PDE3A: variants seen among roughly 807,000 people sequenced by gnomAD.
The protein encoded by PDE3A is cGMP-inhibited 3',5'-cyclic phosphodiesterase 3A.
PDE3A carries 43 observed loss-of-function variants against 98.3 expected under a neutral mutation model. The observed-to-expected ratio is 0.44, with a 90% CI of 0.34 to 0.56. The LOEUF (loss-of-function observed/expected upper bound fraction) is 0.56. Among genes scored for constraint, PDE3A ranks in the 20% least tolerant of loss-of-function variants. The probability of loss-of-function intolerance (pLI) is 0.01; values close to 1 mark genes in which losing one functional copy is unlikely to be tolerated. For synonymous variants in PDE3A, 663 were observed against 567.9 expected (o/e 1.17, Z -2.38); for missense variants, 1,427 against 1,440.7 (o/e 0.99, Z 0.15).
chr12:20,583,038 G>A (rs1335502870), intron 2 of PDE3A, among the ~76,000 whole-genome samples: 1 of 151,990 alleles, frequency 6.6e-6, no homozygotes, highest in Non-Finnish European at 1.5e-5. Flanking sequence ...ATTGTCTGAT[G>A]TCTGGCTTTC....
At chr12:20,544,293 T>A (rs1452808761) in intron 1 of PDE3A, among the ~76,000 whole-genome samples, 1 of 151,516 alleles carries the variant, frequency 6.6e-6, no homozygotes, top group Non-Finnish European at 1.5e-5. Flanking sequence ...TGTATTGAGA[T>A]GTGCTAATAG....
chr12:20,541,243 G>A (rs867829266), intron 1 of PDE3A, among the ~76,000 whole-genome samples: 3 of 151,286 alleles, frequency 2.0e-5, no homozygotes, highest in Non-Finnish European at 3.0e-5. Context: ...ACTACCAGGT[G>A]CACAACACCA....
At chr12:20,655,832 C>T (rs773706402) in intron 15 of PDE3A, among the ~76,000 whole-genome samples, 34 of 152,052 alleles carry the variant, frequency 2.2e-4, no homozygotes, top group Non-Finnish European at 2.9e-4. Flanking sequence ...AGACATAGGG[C>T]GGTCAGTTAG....
intron 1 of PDE3A, among the ~76,000 whole-genome samples, chr12:20,416,066 T>A (rs1209639197): frequency 6.6e-6 from 1 of 152,220 alleles, no homozygotes; most frequent in Non-Finnish European, 1.5e-5. Context: ...ATCACTGTTT[T>A]ATTTAGAAAT....
At chr12:20,370,748 A>C (rs1943458233) in intron 1 of PDE3A, among the ~76,000 whole-genome samples, 1 of 152,218 alleles carries the variant, frequency 6.6e-6, no homozygotes, top group Non-Finnish European at 1.5e-5. Context: ...TTCTAGAGCA[A>C]AGCAAGCTGT....
At chr12:20,589,178 C>A (rs1943263350) in intron 2 of PDE3A, among the ~76,000 whole-genome samples, 1 of 152,088 alleles carries the variant, frequency 6.6e-6, no homozygotes, top group African/African-American at 2.4e-5. Context: ...CCTGCCTCGG[C>A]CTCCCAAAGT....
rs569251009 is a variant in PDE3A, at chr12:20,421,615, A to C, written c.960+51371A>C. 1.9e-4 allele frequency among the ~76,000 whole-genome samples: 29 copies of C among 150,724 alleles called. No individual in the cohort carries two copies. In the South Asian group the frequency reaches 4.2e-3, roughly 22 times the overall value. On this transcript the variant is annotated intron_variant, in intron 1 of 15. Coordinates refer to ENST00000359062, the MANE Select transcript of PDE3A (RefSeq NM_000921.5). ...ATTGGTAATAAAAAAAAAAAAAAAA[A>C]CCACCCATGCTCACTTTTGTGCTTG... is the stretch of plus-strand genomic sequence containing the variant.
At position 20,646,591 on chromosome 12, in the gene PDE3A, A is replaced by G. The variant is rs1225300970; in HGVS notation, c.2353A>G (p.Thr785Ala). ...AACTGTGATTAATGATCATGGTTCA[A>G]CCAGTGATTCAGGTATGTACGAAGT... ...LSTVINDHGSTSDSDSDSGFT... is the reference protein window; with the variant it reads ...LSTVINDHGSASDSDSDSGFT... The change falls in exon 11 of 16, where the codon ACC (threonine) becomes GCC (alanine). Residue 785 changes from threonine (T) to alanine (A), a missense_variant. By Grantham distance (58) the Thr-to-Ala change is moderately conservative. Around this residue, in one of 3 missense-constraint regions of PDE3A, gnomAD observed 273 missense variants for 420.3 expected, o/e 0.65. Coordinates refer to ENST00000359062, the MANE Select transcript of PDE3A (RefSeq NM_000921.5). 1.3e-6 allele frequency: 2 copies of G among 1,583,172 alleles called. No individual in the cohort carries two copies. Among genetic ancestry groups the G allele is most frequent in the East Asian group, 2.2e-5 (1 of 44,698 alleles).
At chr12:20,468,211 C>T (rs1945377475) in intron 1 of PDE3A, among the ~76,000 whole-genome samples, 1 of 151,884 alleles carries the variant, frequency 6.6e-6, no homozygotes, top group South Asian at 2.1e-4. Flanking sequence ...CCTTTCATAC[C>T]CTGAGCTGTC....
At chr12:20,418,928 T>A (rs753168484) in intron 1 of PDE3A, among the ~76,000 whole-genome samples, 1 of 152,176 alleles carries the variant, frequency 6.6e-6, no homozygotes, top group Non-Finnish European at 1.5e-5. Flanking sequence ...TGTGTCATAT[T>A]TTATGTAAGT....
At chr12:20,518,721 T>A (rs1946366770) in intron 1 of PDE3A, among the ~76,000 whole-genome samples, 1 of 152,156 alleles carries the variant, frequency 6.6e-6, no homozygotes, top group African/African-American at 2.4e-5. Context: ...GGTAAAAGAG[T>A]TAATAAATCA....
At chr12:20,576,091 T>C (rs565930337) in intron 2 of PDE3A, among the ~76,000 whole-genome samples, 1 of 152,152 alleles carries the variant, frequency 6.6e-6, no homozygotes, top group South Asian at 2.1e-4. Context: ...AACAGGCACA[T>C]TATGGAAAAT....
rs752085196 is a variant in PDE3A, at chr12:20,369,496, C to T, written c.212C>T (p.Ser71Phe). The change falls in exon 1 of 16, where the codon TCC becomes TTC. Residue 71 changes from serine to phenylalanine, a missense_variant. Ser to Phe is a radical substitution (Grantham distance 155). This residue lies in a region of PDE3A where 1,012 missense variants were observed against 886.5 expected (regional missense o/e 1.14). Transcript: ENST00000359062. Reference sequence around the variant, plus strand: ...TCCGCGCTGTGCGCGGGCTCCCTGTCCTTTCTGCTGGCGCTGCTGGTGAGG... The same window carrying T: ...TCCGCGCTGTGCGCGGGCTCCCTGTTCTTTCTGCTGGCGCTGCTGGTGAGG... ...LSSALCAGSLSFLLALLVRLV... is the reference protein window; with the variant it reads ...LSSALCAGSLFFLLALLVRLV... 2 of 1,559,046 alleles carry T rather than the reference C, an allele frequency of 1.3e-6. No individual in the cohort carries two copies. Among genetic ancestry groups the T allele is most frequent in the Non-Finnish European group, 1.7e-6 (2 of 1,151,670 alleles).
chr12:20,624,092 G>T (rs999248326), intron 5 of PDE3A, among the ~76,000 whole-genome samples: 20 of 152,040 alleles, frequency 1.3e-4, no homozygotes, highest in African/African-American at 4.8e-4. Flanking sequence ...AGGAAACTGA[G>T]GGAAAAGAAG....
At chr12:20,477,059 A>C (rs1171015352) in intron 1 of PDE3A, among the ~76,000 whole-genome samples, 1 of 152,180 alleles carries the variant, frequency 6.6e-6, no homozygotes, top group Non-Finnish European at 1.5e-5. Flanking sequence ...GTTAATCCTC[A>C]TTCTATCTAC....
At chr12:20,507,535 A>G (rs1565571602) in intron 1 of PDE3A, among the ~76,000 whole-genome samples, 1 of 152,020 alleles carries the variant, frequency 6.6e-6, no homozygotes, top group Non-Finnish European at 1.5e-5. Context: ...TTCCACACTC[A>G]TATATCCAAT....
chr12:20,667,688 A>G (rs967162345), intron 15 of PDE3A, among the ~76,000 whole-genome samples: 8 of 152,156 alleles, frequency 5.3e-5, no homozygotes, highest in Non-Finnish European at 1.0e-4. Flanking sequence ...GCATATTTTG[A>G]AGTCAGGTAG....
intron 1 of PDE3A, among the ~76,000 whole-genome samples, chr12:20,476,230 A>T (rs1474674174): frequency 1.3e-5 from 2 of 152,218 alleles, no homozygotes; most frequent in Non-Finnish European, 2.9e-5. Flanking sequence ...ACAAAATACT[A>T]ATGTTACGAA....
intron 1 of PDE3A, among the ~76,000 whole-genome samples, chr12:20,425,270 C>T (rs1268591735): frequency 6.6e-6 from 1 of 151,876 alleles, no homozygotes; most frequent in African/African-American, 2.4e-5. Flanking sequence ...TTTTTTTCCA[C>T]CGGCAGATGG....
Sources: gnomAD v4.1 joint callset for allele counts (sites outside exome capture counted in the v4.1 genomes callset) on GRCh38, gnomAD v4.1.1 for gene constraint, gnomAD v4.1.1 regional missense constraint, MANE v1.5 for transcripts, NCBI Gene and HGNC (gene_info 2026-07-23, HGNC 2026-07-21) for gene names.